The following NKAIN3 variants were observed in gnomAD, a reference collection of about 807,000 sequenced individuals.
NKAIN3 encodes the protein sodium/potassium transporting ATPase interacting 3.
In NKAIN3, 25 loss-of-function variants were observed where a neutral mutation model predicts 30.2. The observed-to-expected ratio is 0.83, with a 90% CI of 0.60 to 1.16. NKAIN3 has a LOEUF of 1.16. Among genes scored for constraint, NKAIN3 ranks in the 50% most tolerant of loss-of-function variants. The pLI, the probability that NKAIN3 is intolerant of heterozygous loss-of-function variation, is 0.00. For missense variants in NKAIN3, 225 were observed against 254.1 expected, an observed-to-expected ratio of 0.89 and a Z score of 0.78; for synonymous variants, 91 against 89.6, an observed-to-expected ratio of 1.02 and a Z score of -0.09.
At chr8:62,338,955 C>A (rs1363064243) in intron 1 of NKAIN3, among the ~76,000 whole-genome samples, 1 of 152,024 alleles carries the variant, frequency 6.6e-6, no homozygotes, top group Non-Finnish European at 1.5e-5. Context: ...CAATCCTTTG[C>A]ATCCTTCAAT....
At chr8:62,870,291 GATATAT>G (rs1820584018) in intron 4 of NKAIN3, among the ~76,000 whole-genome samples, 1 of 32,304 alleles carries the variant, frequency 3.1e-5, no homozygotes, top group African/African-American at 1.9e-4. Flanking sequence ...AATATCTATA[GATATAT>G]ATACATCTAT....
rs190406343 is a variant in NKAIN3 at position 62,901,846 on chromosome 8, C to T, written c.472-16607C>T. 2.0e-5 allele frequency among the ~76,000 whole-genome samples: 3 copies of T among 152,304 alleles called. No homozygotes were observed. In the East Asian group the frequency reaches 5.8e-4, roughly 29 times the overall value. The stretch of plus-strand genomic sequence containing the variant: ...ATGTGGCTTTATCTGCATCGAGGGG[C>T]TGAACAGTCTACTGAGTTTACCATG... On this transcript the variant is annotated intron_variant, in intron 4 of 6. Transcript: ENST00000623646.
chr8:62,798,108 G>A (rs990721412), intron 4 of NKAIN3, among the ~76,000 whole-genome samples: 2 of 152,142 alleles, frequency 1.3e-5, no homozygotes, highest in Non-Finnish European at 2.9e-5. Context: ...CACAGCTTGT[G>A]AGTGAAGGTG....
intron 4 of NKAIN3, among the ~76,000 whole-genome samples, chr8:62,850,421 T>A (rs956056360): frequency 1.3e-5 from 2 of 152,102 alleles, no homozygotes; most frequent in African/African-American, 4.8e-5. Flanking sequence ...TTCACTCTGA[T>A]GGTAGTTTCT....
chr8:62,716,758 A>G (rs1814917306), intron 3 of NKAIN3, among the ~76,000 whole-genome samples: 2 of 151,922 alleles, frequency 1.3e-5, no homozygotes, highest in South Asian at 4.1e-4. Flanking sequence ...AAAAAAACAA[A>G]CAAAACAAAA....
chr8:62,723,782 C>G (rs1245789453), intron 3 of NKAIN3, among the ~76,000 whole-genome samples: 1 of 152,044 alleles, frequency 6.6e-6, no homozygotes, highest in Non-Finnish European at 1.5e-5. Context: ...ATATCTGATT[C>G]TGCCTATGGA....
chr8:62,452,905 T>TA (rs2129598949), intron 1 of NKAIN3, among the ~76,000 whole-genome samples: 1 of 152,344 alleles, frequency 6.6e-6, no homozygotes, highest in East Asian at 1.9e-4. Context: ...TTTGGCAGTC[T>TA]AAGAGGGTGT....
chr8:62,451,233 T>TTCTCTTCTC lies in NKAIN3; in HGVS notation c.55-128295_55-128287dup, dbSNP rs1805630116. The stretch of plus-strand genomic sequence containing the variant: ...GCCTTCTCTTCTCTTCTCTTTTCTC[T>TTCTCTTCTC]TCTCTTCTCTCTCTTCTCTTCTCTT... On this transcript the variant is annotated intron_variant, in intron 1 of 6. Coordinates refer to ENST00000623646, the MANE Select transcript of NKAIN3 (RefSeq NM_001304533.3). Among the ~76,000 whole-genome samples the TTCTCTTCTC allele has an allele frequency of 2.6e-5, 4 of 151,636 alleles. No homozygotes were observed. The South Asian group carries it at 8.3e-4, about 32-fold the overall frequency.
chr8:62,278,856 T>A (rs1813063817), intron 1 of NKAIN3, among the ~76,000 whole-genome samples: 1 of 152,226 alleles, frequency 6.6e-6, no homozygotes, highest in African/African-American at 2.4e-5. Flanking sequence ...CATGTGTCTT[T>A]ATAGCAGCAT....
At chr8:62,650,043 C>T (rs1430962968) in intron 3 of NKAIN3, among the ~76,000 whole-genome samples, 1 of 152,078 alleles carries the variant, frequency 6.6e-6, no homozygotes, top group Non-Finnish European at 1.5e-5. Flanking sequence ...ATTACTCCAT[C>T]TGGAGTTCTA....
chr8:62,396,647 C>T (rs139912981), intron 1 of NKAIN3, among the ~76,000 whole-genome samples: 1 of 152,106 alleles, frequency 6.6e-6, no homozygotes, highest in Non-Finnish European at 1.5e-5. Flanking sequence ...TAATTAATAA[C>T]CTGATAATTT....
At position 62,588,852 on chromosome 8, in the gene NKAIN3, C is replaced by A. The variant is rs570016534; in HGVS notation, c.193-862C>A. Reference sequence around the variant, plus strand: ...ATTTGTGTTCTACAGTAAGTACTATCCTCAGTCATCCTAGCTGGTCTGTAT... The same window carrying A: ...ATTTGTGTTCTACAGTAAGTACTATACTCAGTCATCCTAGCTGGTCTGTAT... On this transcript the variant is annotated intron_variant, in intron 2 of 6. Transcript: ENST00000623646. Among the ~76,000 whole-genome samples the A allele has an allele frequency of 4.6e-5, 7 of 151,836 alleles. No homozygotes were observed. In the East Asian group the frequency reaches 1.4e-3, roughly 29 times the overall value.
Position 62,800,980 on chromosome 8 carries a change from G to A in NKAIN3, c.471+53851G>A, listed in dbSNP as rs189911043. On this transcript the variant is annotated intron_variant, in intron 4 of 6. Transcript: ENST00000623646. Reference sequence around the variant, plus strand: ...AGAGATTATATCCTGCACCTGGCTCGGAGGGTCCTACACCCACGGAGTCTC... The same window carrying A: ...AGAGATTATATCCTGCACCTGGCTCAGAGGGTCCTACACCCACGGAGTCTC... 4.5e-3 allele frequency among the ~76,000 whole-genome samples: 672 copies of A among 148,746 alleles called. 4 individuals carry two copies. The highest frequency in any genetic ancestry group is 0.014 in the African/African-American group (574 of 40,478).
chr8:62,932,291 A>C (rs1455650931), intron 5 of NKAIN3, among the ~76,000 whole-genome samples: 1 of 152,230 alleles, frequency 6.6e-6, no homozygotes, highest in Non-Finnish European at 1.5e-5. Flanking sequence ...GAGATTAATA[A>C]AACTCGATCT....
intron 3 of NKAIN3, among the ~76,000 whole-genome samples, chr8:62,608,784 G>A (rs1195443062): frequency 6.6e-6 from 1 of 152,012 alleles, no homozygotes; most frequent in Admixed American, 6.6e-5. Context: ...GCTTTGGGGG[G>A]ATCTAATCAA....
At chr8:62,460,625 T>C (rs1805972030) in intron 1 of NKAIN3, among the ~76,000 whole-genome samples, 1 of 152,062 alleles carries the variant, frequency 6.6e-6, no homozygotes, top group Admixed American at 6.6e-5. Flanking sequence ...AAAGAAGAGC[T>C]CACATTCTCA....
intron 3 of NKAIN3, among the ~76,000 whole-genome samples, chr8:62,719,471 G>C (rs1815013922): frequency 6.6e-6 from 1 of 152,130 alleles, no homozygotes; most frequent in African/African-American, 2.4e-5. Flanking sequence ...CAGAACCCTG[G>C]TTATATTCTC....
At chr8:62,728,625 A>G (rs561167318) in intron 3 of NKAIN3, among the ~76,000 whole-genome samples, 18 of 152,144 alleles carry the variant, frequency 1.2e-4, no homozygotes, top group African/African-American at 3.6e-4. Context: ...AGATCGCGCC[A>G]TTGCACTCCA....
At chr8:62,809,118 G>C (rs1818400513) in intron 4 of NKAIN3, among the ~76,000 whole-genome samples, 1 of 152,148 alleles carries the variant, frequency 6.6e-6, no homozygotes, top group South Asian at 2.1e-4. Context: ...GTTCCGCCCA[G>C]CTCTCAGGTA....
Sources: allele counts gnomAD v4.1 joint callset (sites outside exome capture counted in the v4.1 genomes callset), GRCh38; gene constraint gnomAD v4.1.1; transcripts MANE v1.5; gene names NCBI Gene and HGNC (gene_info 2026-07-23, HGNC 2026-07-21).